The following KIRREL3 variants were observed in gnomAD, a reference collection of about 807,000 sequenced individuals.
KIRREL3 encodes kin of IRRE-like protein 3.
Under a neutral mutation model 89.7 loss-of-function variants are expected in KIRREL3, and 36 were observed. The ratio of observed to expected loss-of-function variants is 0.40; its 90% confidence interval spans 0.31 to 0.53. The LOEUF is 0.53. KIRREL3 is among the 20% of genes least tolerant of loss of function. The pLI is 0.49. For missense variants in KIRREL3, 864 were observed against 1,056.6 expected, an observed-to-expected ratio of 0.82 and a Z score of 2.53; for synonymous variants, 445 against 441.4, an observed-to-expected ratio of 1.01 and a Z score of -0.10.
chr11:126,741,047 C>T (rs1056271107), intron 1 of KIRREL3, among the ~76,000 whole-genome samples: 1 of 152,182 alleles, frequency 6.6e-6, no homozygotes, highest in South Asian at 2.1e-4. Flanking sequence ...GGAAAACCAT[C>T]TCCTGGCATT....
chr11:126,447,895 C>T (rs960151877), intron 8 of KIRREL3, among the ~76,000 whole-genome samples: 31 of 152,138 alleles, frequency 2.0e-4, no homozygotes, highest in South Asian at 6.2e-4. Context: ...CTGTAAGGGG[C>T]GGTGCATGAG....
chr11:126,947,281 T>G (rs1948646726), intron 1 of KIRREL3, among the ~76,000 whole-genome samples: 3 of 152,218 alleles, frequency 2.0e-5, no homozygotes, highest in Admixed American at 6.5e-5. Context: ...TGTCTTCCAC[T>G]CTTTGCTCTC....
rs1948900847 is a variant in KIRREL3, at chr11:126,739,190, T to C, written c.56-176278A>G. On this transcript the variant is annotated intron_variant, in intron 1 of 16. Transcript: ENST00000525144. This position sits in a 1 kb window ranked among gnomAD's most constrained non-coding sequence, Gnocchi z 5.5. ...CCCTTCCACCCGTTCCGTGCTATTG[T>C]TGGAGATGTGAATTCCACTGATGTG... Among the ~76,000 whole-genome samples, 1 of 152,192 alleles carries C rather than the reference T, an allele frequency of 6.6e-6. No individual in the cohort carries two copies. Among genetic ancestry groups the C allele is most frequent in the South Asian group, 2.1e-4 (1 of 4,836 alleles).
chr11:126,530,657 A>G lies in KIRREL3; in HGVS notation c.134-3970T>C, dbSNP rs1276539838. ...CACACCTGGGCGTCTCAGATGGAGC[A>G]CAGAGTAGGTGCCTCACAGGCTCAG... On this transcript the variant is annotated intron_variant, in intron 2 of 16. Transcript: ENST00000525144. The surrounding 1 kb of genome is among the most constrained non-coding windows in gnomAD (Gnocchi z 5.8). Among the ~76,000 whole-genome samples the G allele has an allele frequency of 6.6e-6, 1 of 152,120 alleles. No individual in the cohort carries two copies. The highest frequency in any genetic ancestry group is 1.5e-5 in the Non-Finnish European group (1 of 68,032).
At chr11:126,862,754 C>A (rs536610139) in intron 1 of KIRREL3, among the ~76,000 whole-genome samples, 37 of 152,336 alleles carry the variant, frequency 2.4e-4, no homozygotes, top group African/African-American at 8.9e-4. Flanking sequence ...AGGTCCTTTC[C>A]AGTTCTGGCA....
rs951352042 is a variant in KIRREL3, at chr11:126,641,358, G to A, written c.56-78446C>T. 4.3e-4 allele frequency among the ~76,000 whole-genome samples: 66 copies of A among 151,782 alleles called. No individual in the cohort carries two copies. The highest frequency in any genetic ancestry group is 1.5e-3 in the African/African-American group (60 of 41,280). Reference sequence around the variant, plus strand: ...GGGTTTAGCAGGGTCTCTACTCCAGGCCTTGTCTCTGAAGAGCCTCTTGGT... The same window carrying A: ...GGGTTTAGCAGGGTCTCTACTCCAGACCTTGTCTCTGAAGAGCCTCTTGGT... On this transcript the variant is annotated intron_variant, in intron 1 of 16. Coordinates refer to ENST00000525144, the MANE Select transcript of KIRREL3 (RefSeq NM_032531.4). The surrounding 1 kb of genome is among the most constrained non-coding windows in gnomAD (Gnocchi z 5.0).
intron 1 of KIRREL3, among the ~76,000 whole-genome samples, chr11:126,733,432 G>A (rs749504489): frequency 1.3e-5 from 2 of 152,182 alleles, no homozygotes; most frequent in Non-Finnish European, 1.5e-5. Flanking sequence ...GATGCAATGC[G>A]CTGGGGAGAT....
chr11:126,483,710 T>C (rs1434671528), intron 4 of KIRREL3, among the ~76,000 whole-genome samples: 1 of 152,260 alleles, frequency 6.6e-6, no homozygotes, highest in African/African-American at 2.4e-5. Flanking sequence ...TTCTCCTGTG[T>C]GACCATTAAC....
At chr11:127,002,173 A>G (rs1950327336), upstream of KIRREL3, among the ~76,000 whole-genome samples, 1 of 152,258 alleles carries the variant, frequency 6.6e-6, no homozygotes, top group African/African-American at 2.4e-5. Flanking sequence ...GCAGGGGCAT[A>G]TAGAAGTGTG....
chr11:126,901,160 G>T (rs570898849), intron 1 of KIRREL3, among the ~76,000 whole-genome samples: 3 of 147,448 alleles, frequency 2.0e-5, no homozygotes, highest in South Asian at 2.2e-4. Context: ...GTTGCAGTGA[G>T]CTGAGATCGC....
intron 2 of KIRREL3, among the ~76,000 whole-genome samples, chr11:126,554,341 G>A (rs1939535111): frequency 6.6e-6 from 1 of 152,124 alleles, no homozygotes; most frequent in African/African-American, 2.4e-5. Context: ...CTGCTGGGAG[G>A]TGCTCAGAGG....
At chr11:126,584,941 C>CA (rs1941747537) in intron 1 of KIRREL3, among the ~76,000 whole-genome samples, 2 of 150,590 alleles carry the variant, frequency 1.3e-5, no homozygotes. Flanking sequence ...TATTTTGAGA[C>CA]AGAGTCTCAC....
chr11:126,759,305 T>C (rs1365765531), intron 1 of KIRREL3, among the ~76,000 whole-genome samples: 3 of 151,538 alleles, frequency 2.0e-5, no homozygotes, highest in Non-Finnish European at 4.4e-5. Context: ...AATCTTTGTA[T>C]TTTTAGTTGA....
In KIRREL3 at chr11:126,924,547, G is replaced by C. The variant is rs186440930; in HGVS notation, c.55+75908C>G. On this transcript the variant is annotated intron_variant, in intron 1 of 16. Transcript: ENST00000525144. The surrounding 1 kb of genome is among the most constrained non-coding windows in gnomAD (Gnocchi z 4.7). ...GGAACATCTTTGGCTTCACACACCC[G>C]ACCCACAGACTGCGCTTCAGCTGCT... Among the ~76,000 whole-genome samples the C allele has an allele frequency of 2.0e-5, 3 of 152,272 alleles. No homozygotes were observed. Among genetic ancestry groups the C allele is most frequent in the Admixed American group, 2.0e-4 (3 of 15,302 alleles).
At chr11:126,781,148 T>C (rs1324770041) in intron 1 of KIRREL3, among the ~76,000 whole-genome samples, 1 of 152,196 alleles carries the variant, frequency 6.6e-6, no homozygotes, top group Non-Finnish European at 1.5e-5. Flanking sequence ...TTAGTCTATG[T>C]CTGCAAGACT....
intron 4 of KIRREL3, among the ~76,000 whole-genome samples, chr11:126,503,077 C>A (rs891102262): frequency 1.3e-5 from 2 of 152,202 alleles, no homozygotes; most frequent in African/African-American, 4.8e-5. Context: ...ATTATTTTTC[C>A]TCCCTCGTTC....
intron 1 of KIRREL3, among the ~76,000 whole-genome samples, chr11:126,792,312 C>T (rs1950670069): frequency 6.6e-6 from 1 of 152,172 alleles, no homozygotes; most frequent in South Asian, 2.1e-4. Flanking sequence ...ACGTTGTAGT[C>T]ATTTAACCCT....
At position 126,535,286 on chromosome 11, in the gene KIRREL3, C is replaced by T. The variant is rs554457770; in HGVS notation, c.134-8599G>A. On this transcript the variant is annotated intron_variant, in intron 2 of 16. Coordinates refer to ENST00000525144, the MANE Select transcript of KIRREL3 (RefSeq NM_032531.4). The surrounding 1 kb of genome is among the most constrained non-coding windows in gnomAD (Gnocchi z 4.5). ...CACCCGGCTTCCAACCTGGATGCAG[C>T]GCCCTCATCTTAATCTCTTTTCTGG... 1.3e-5 allele frequency among the ~76,000 whole-genome samples: 2 copies of T among 152,272 alleles called. No homozygotes were observed. The highest frequency in any genetic ancestry group is 2.9e-5 in the Non-Finnish European group (2 of 68,030).
At chr11:126,722,419 GT>G (rs1220382854) in intron 1 of KIRREL3, among the ~76,000 whole-genome samples, 1 of 152,186 alleles carries the variant, frequency 6.6e-6, no homozygotes, top group Non-Finnish European at 1.5e-5. Flanking sequence ...CCTGATTTAT[GT>G]TTTCTGTTTA....
Sources: allele counts gnomAD v4.1 joint callset (sites outside exome capture counted in the v4.1 genomes callset), GRCh38; gene constraint gnomAD v4.1.1; non-coding constraint Gnocchi (gnomAD v3.1); transcripts MANE v1.5; gene names NCBI Gene and HGNC (gene_info 2026-07-23, HGNC 2026-07-21).